The following TBC1D22A variants were observed in gnomAD, a reference collection of about 807,000 sequenced individuals.
TBC1D22A encodes the protein putative GTPase activator.
TBC1D22A carries 38 observed loss-of-function variants against 60.2 expected under a neutral mutation model. The observed-to-expected ratio is 0.63, with a 90% CI of 0.49 to 0.83. The LOEUF is 0.83. TBC1D22A is among the 40% of genes least tolerant of loss of function. The pLI is 0.00. For missense variants in TBC1D22A, 628 were observed against 701.0 expected (o/e 0.90, Z 1.18); for synonymous variants, 302 against 281.7 (o/e 1.07, Z -0.72).
chr22:47,131,418 C>T lies in TBC1D22A; in HGVS notation c.1425+19815C>T, dbSNP rs185860523. 1.4e-4 allele frequency among the ~76,000 whole-genome samples: 22 copies of T among 152,310 alleles called. No individual in the cohort carries two copies. The Middle Eastern group carries it at 0.014, about 94-fold the overall frequency. ...AGCTCGTTAATCGGCCAGTAGTGAA[C>T]GTTGCACCACCTGGTTGAGCTGACG... On this transcript the variant is annotated intron_variant, in intron 12 of 12. Coordinates refer to ENST00000337137, the MANE Select transcript of TBC1D22A (RefSeq NM_014346.5).
At chr22:47,013,495 G>C (rs574478570) in intron 10 of TBC1D22A, among the ~76,000 whole-genome samples, 1 of 152,214 alleles carries the variant, frequency 6.6e-6, no homozygotes, top group African/African-American at 2.4e-5. Flanking sequence ...GACTGGTTTT[G>C]AAGTGATTCC....
At chr22:47,147,348 C>T (rs2067320681) in intron 12 of TBC1D22A, among the ~76,000 whole-genome samples, 5 of 152,230 alleles carry the variant, frequency 3.3e-5, no homozygotes, top group African/African-American at 1.2e-4. Flanking sequence ...TTCTGTGACT[C>T]CTGTTACCTT....
At chr22:46,775,539 G>A (rs2083668105) in intron 1 of TBC1D22A, among the ~76,000 whole-genome samples, 1 of 152,198 alleles carries the variant, frequency 6.6e-6, no homozygotes, top group Non-Finnish European at 1.5e-5. Flanking sequence ...GTTTATTGAT[G>A]GTGCAGTAGG....
intron 8 of TBC1D22A, among the ~76,000 whole-genome samples, chr22:46,943,490 G>C (rs1056918644): frequency 1.3e-5 from 2 of 152,216 alleles, no homozygotes; most frequent in African/African-American, 4.8e-5. Context: ...TGGGCTGCTG[G>C]TCCGCCAGGA....
chr22:46,904,894 C>T (rs1008821243), intron 7 of TBC1D22A, among the ~76,000 whole-genome samples: 61 of 151,468 alleles, frequency 4.0e-4, no homozygotes, highest in Middle Eastern at 3.4e-3. Flanking sequence ...TCTGCCTCAG[C>T]CTCCTGTGTA....
chr22:47,001,301 T>TTC (rs1491032325), intron 10 of TBC1D22A, among the ~76,000 whole-genome samples: 31 of 5,846 alleles, frequency 5.3e-3, no homozygotes, highest in African/African-American at 0.023. Flanking sequence ...CTTTCTTTCT[T>TTC]TTTTTTTTTT....
intron 12 of TBC1D22A, among the ~76,000 whole-genome samples, chr22:47,147,510 A>G (rs1270093262): frequency 1.3e-5 from 2 of 151,968 alleles, no homozygotes; most frequent in East Asian, 3.9e-4. Context: ...TTCTGCACCC[A>G]CCTCCTGGGA....
At chr22:47,160,856 C>G (rs944461127) in intron 12 of TBC1D22A, among the ~76,000 whole-genome samples, 2 of 152,128 alleles carry the variant, frequency 1.3e-5, no homozygotes, top group Non-Finnish European at 2.9e-5. Context: ...CCCCCAGCTA[C>G]CCTCCTCTTC....
intron 4 of TBC1D22A, among the ~76,000 whole-genome samples, chr22:46,819,718 A>C (rs1089344): frequency 1 from 152,344 of 152,344 alleles, 76,172 homozygotes; most frequent in Non-Finnish European, 1. Flanking sequence ...TGTGTCTCTT[A>C]CCAGTTTTGG....
chr22:47,051,817 A>G (rs1056964817), intron 11 of TBC1D22A, among the ~76,000 whole-genome samples: 15 of 151,434 alleles, frequency 9.9e-5, no homozygotes, highest in African/African-American at 2.7e-4. Context: ...AGTGGAGAAG[A>G]CTCCTTCTCT....
chr22:46,844,473 T>C (rs570197370), intron 4 of TBC1D22A, among the ~76,000 whole-genome samples: 39 of 152,312 alleles, frequency 2.6e-4, no homozygotes, highest in South Asian at 8.3e-4. Context: ...AGCATAAAGC[T>C]AGTGACTGAG....
chr22:47,103,253 A>C (rs544983858), intron 11 of TBC1D22A, among the ~76,000 whole-genome samples: 1 of 152,162 alleles, frequency 6.6e-6, no homozygotes, highest in Admixed American at 6.5e-5. Context: ...CACAGAGGGA[A>C]AGCTGACACA....
At chr22:47,090,618 G>T (rs996388865) in intron 11 of TBC1D22A, among the ~76,000 whole-genome samples, 1 of 152,228 alleles carries the variant, frequency 6.6e-6, no homozygotes, top group East Asian at 1.9e-4. Context: ...CTTCCTCAGC[G>T]TCCCCTTCGT....
At chr22:47,124,633 T>C (rs2066387377) in intron 12 of TBC1D22A, among the ~76,000 whole-genome samples, 1 of 151,928 alleles carries the variant, frequency 6.6e-6, no homozygotes, top group African/African-American at 2.4e-5. Flanking sequence ...CAGCCACAGG[T>C]GGCACCGAGG....
At chr22:47,076,375 A>G (rs2064222636) in intron 11 of TBC1D22A, among the ~76,000 whole-genome samples, 1 of 105,020 alleles carries the variant, frequency 9.5e-6, no homozygotes, top group Admixed American at 1.1e-4. Context: ...ATATATATAT[A>G]TATATACACA....
chr22:46,766,631 G>A (rs1400473292), intron 1 of TBC1D22A, among the ~76,000 whole-genome samples: 2 of 152,168 alleles, frequency 1.3e-5, no homozygotes, highest in East Asian at 1.9e-4. Context: ...TGCCTCCCGG[G>A]TTCAAGTGAT....
chr22:47,040,935 G>A (rs895537700), intron 11 of TBC1D22A, among the ~76,000 whole-genome samples: 10 of 152,016 alleles, frequency 6.6e-5, no homozygotes, highest in Admixed American at 3.9e-4. Context: ...TGAGATCCTC[G>A]GCTGCCTTCA....
chr22:46,926,912 A>G (rs927004447), intron 8 of TBC1D22A, among the ~76,000 whole-genome samples: 1 of 152,236 alleles, frequency 6.6e-6, no homozygotes, highest in Non-Finnish European at 1.5e-5. Context: ...AATAATTTAA[A>G]TAATGTTAAC....
intron 12 of TBC1D22A, among the ~76,000 whole-genome samples, chr22:47,137,494 T>TC (rs1260549169): frequency 6.6e-6 from 1 of 152,114 alleles, no homozygotes; most frequent in Non-Finnish European, 1.5e-5. Flanking sequence ...GCTTTCCTTC[T>TC]CCCTTGGGGC....
Sources: allele counts gnomAD v4.1 joint callset (sites outside exome capture counted in the v4.1 genomes callset), GRCh38; gene constraint gnomAD v4.1.1; transcripts MANE v1.5; gene names NCBI Gene and HGNC (gene_info 2026-07-23, HGNC 2026-07-21).